Variants in GALNT14 observed in about 807,000 individuals in gnomAD.
GALNT14 encodes polypeptide N-acetylgalactosaminyltransferase 14.
In GALNT14, 60 loss-of-function variants were observed where a neutral mutation model predicts 77.5. The ratio of observed to expected loss-of-function variants is 0.77; its 90% CI spans 0.63 to 0.96. GALNT14 has a LOEUF of 0.96. Among genes scored for constraint, GALNT14 ranks in the 40% least tolerant of loss-of-function variants. GALNT14 has a pLI of 0.00. For missense variants in GALNT14, 710 were observed against 731.0 expected, an observed-to-expected ratio of 0.97 and a Z score of 0.33; for synonymous variants, 280 against 281.7, an observed-to-expected ratio of 0.99 and a Z score of 0.06.
intron 6 of GALNT14, among the ~76,000 whole-genome samples, chr2:30,953,215 G>T (rs1233509903): frequency 2.0e-5 from 3 of 151,974 alleles, no homozygotes; most frequent in African/African-American, 4.8e-5. Context: ...GGAGGTAAAG[G>T]TTCCTGCTGC....
chr2:31,137,095 G>A (rs937988519), intron 1 of GALNT14, among the ~76,000 whole-genome samples: 14 of 152,164 alleles, frequency 9.2e-5, no homozygotes, highest in Non-Finnish European at 1.8e-4. Context: ...AAGAGAAAAC[G>A]GAAGGCTACC....
At chr2:30,991,898 CCA>C (rs1669729030) in intron 2 of GALNT14, among the ~76,000 whole-genome samples, 1 of 152,170 alleles carries the variant, frequency 6.6e-6, no homozygotes, top group Non-Finnish European at 1.5e-5. Flanking sequence ...CTCATAAACC[CCA>C]GTTTCCACAA....
intron 1 of GALNT14, among the ~76,000 whole-genome samples, chr2:31,090,591 G>C (rs1676681711): frequency 6.9e-6 from 1 of 145,480 alleles, no homozygotes; most frequent in Admixed American, 7.2e-5. Flanking sequence ...CTGGGTTCAA[G>C]TCATTCTCCT....
At chr2:31,104,583 A>G (rs992049087) in intron 1 of GALNT14, among the ~76,000 whole-genome samples, 3 of 152,094 alleles carry the variant, frequency 2.0e-5, no homozygotes, top group African/African-American at 4.8e-5. Context: ...CTACCAACAC[A>G]TGTTGCATTT....
At chr2:30,976,606 C>CGTGTGT (rs550215452) in intron 2 of GALNT14, among the ~76,000 whole-genome samples, 5,026 of 144,156 alleles carry the variant, frequency 0.035, 149 homozygotes, top group East Asian at 0.17. Context: ...TGTGCATGTG[C>CGTGTGT]GTGTGCGTGT....
At chr2:31,131,517 T>C (rs1004723301) in intron 1 of GALNT14, among the ~76,000 whole-genome samples, 7 of 152,112 alleles carry the variant, frequency 4.6e-5, no homozygotes, top group East Asian at 1.9e-4. Flanking sequence ...AAAAAATGCA[T>C]TGGGGACTTT....
chr2:30,938,818 T>C (rs1234018239), intron 9 of GALNT14, among the ~76,000 whole-genome samples: 1 of 152,244 alleles, frequency 6.6e-6, no homozygotes. Context: ...AATCATCTCA[T>C]GCGTCTTTGT....
At chr2:30,959,719 G>T (rs988417802) in intron 3 of GALNT14, among the ~76,000 whole-genome samples, 1 of 152,092 alleles carries the variant, frequency 6.6e-6, no homozygotes, top group Non-Finnish European at 1.5e-5. Context: ...AATGATTTTT[G>T]AATCTAACTG....
chr2:31,072,382 T>C (rs1675468142), intron 1 of GALNT14, among the ~76,000 whole-genome samples: 1 of 151,850 alleles, frequency 6.6e-6, no homozygotes. Context: ...TCTCTTTTTT[T>C]TTCTTTTGTT....
intron 8 of GALNT14, among the ~76,000 whole-genome samples, chr2:30,943,120 C>A (rs1214089242): frequency 6.6e-6 from 1 of 152,194 alleles, no homozygotes; most frequent in Non-Finnish European, 1.5e-5. Flanking sequence ...GACCTCTCCT[C>A]CAGAACTGCG....
intron 1 of GALNT14, among the ~76,000 whole-genome samples, chr2:31,057,468 C>G (rs1366341899): frequency 1.4e-5 from 2 of 141,354 alleles, no homozygotes; most frequent in African/African-American, 5.4e-5. Context: ...ATATATATAC[C>G]TTGTGTAAAT....
chr2:31,082,691 GATA>G (rs1290387394), intron 1 of GALNT14, among the ~76,000 whole-genome samples: 2 of 152,152 alleles, frequency 1.3e-5, no homozygotes, highest in Non-Finnish European at 2.9e-5. Flanking sequence ...AGTTACTGAT[GATA>G]ATGATGATGA....
At chr2:31,112,485 G>A (rs1382981738) in intron 1 of GALNT14, among the ~76,000 whole-genome samples, 2 of 152,210 alleles carry the variant, frequency 1.3e-5, no homozygotes, top group African/African-American at 4.8e-5. Context: ...TGTTTGGTAT[G>A]AAACACATGC....
At chr2:30,915,960 G>C (rs1188222185) in intron 13 of GALNT14, among the ~76,000 whole-genome samples, 1 of 152,124 alleles carries the variant, frequency 6.6e-6, no homozygotes, top group Non-Finnish European at 1.5e-5. Flanking sequence ...AACAGGACCT[G>C]TTTAGGATTA....
chr2:30,983,293 G>C (rs1379574524), intron 2 of GALNT14, among the ~76,000 whole-genome samples: 1 of 151,880 alleles, frequency 6.6e-6, no homozygotes, highest in East Asian at 1.9e-4. Flanking sequence ...AGTTCCATGA[G>C]GGCACACTTT....
intron 2 of GALNT14, among the ~76,000 whole-genome samples, chr2:30,970,941 C>G (rs1163294177): frequency 1.3e-5 from 2 of 152,176 alleles, no homozygotes; most frequent in African/African-American, 2.4e-5. Context: ...GGTGGCACAC[C>G]TGCTGAGTAA....
chr2:31,017,341 C>T (rs960916206), intron 1 of GALNT14, among the ~76,000 whole-genome samples: 5 of 152,238 alleles, frequency 3.3e-5, no homozygotes, highest in Admixed American at 6.5e-5. Context: ...ATAGGCATTG[C>T]TGATGGGCCC....
chr2:30,967,563 G>C (rs766270466), intron 2 of GALNT14, among the ~76,000 whole-genome samples: 27 of 152,244 alleles, frequency 1.8e-4, no homozygotes, highest in Non-Finnish European at 3.2e-4. Flanking sequence ...CCCAGGAGCA[G>C]AGATGGTGGA....
chr2:30,922,376 T>C (rs1665085740), intron 13 of GALNT14, among the ~76,000 whole-genome samples: 2 of 152,158 alleles, frequency 1.3e-5, no homozygotes, highest in Admixed American at 6.5e-5. Context: ...TCTCATAGCA[T>C]CCTGTTTCCC....
Sources: gnomAD v4.1 joint callset for allele counts (sites outside exome capture counted in the v4.1 genomes callset) on GRCh38, gnomAD v4.1.1 for gene constraint, MANE v1.5 for transcripts, NCBI Gene and HGNC (gene_info 2026-07-23, HGNC 2026-07-21) for gene names.